Variants in C4orf51 observed in about 807,000 individuals in gnomAD.
The protein encoded by C4orf51 is uncharacterized protein C4orf51.
C4orf51 carries 25 observed loss-of-function variants against 25.2 expected under a neutral mutation model. The observed-to-expected ratio is 0.99, with a 90% CI of 0.72 to 1.39. The LOEUF is 1.39. Among genes scored for constraint, C4orf51 ranks in the 40% most tolerant of loss-of-function variants. The probability of loss-of-function intolerance (pLI) is 0.00; values close to 1 mark genes in which losing one functional copy is unlikely to be tolerated. For missense variants in C4orf51, 252 were observed against 239.6 expected (o/e 1.05, Z -0.34); for synonymous variants, 100 against 84.5 (o/e 1.18, Z -1.01).
chr4:145,788,645 ATTACAACAT>A, the C4orf51 span, among the ~76,000 whole-genome samples: 14 of 152,200 alleles, frequency 9.2e-5, no homozygotes, highest in Non-Finnish European at 1.9e-4. Flanking sequence ...CTAATTTTAT[ATTACAACAT>A]GGAAGCAAAC....
At chr4:145,785,275 T>G in the C4orf51 span, among the ~76,000 whole-genome samples, 1 of 152,188 alleles carries the variant, frequency 6.6e-6, no homozygotes, top group Non-Finnish European at 1.5e-5. Context: ...GAGCAAACTA[T>G]GCTTCTTATA....
Position 145,726,967 on chromosome 4 carries a change from G to A in C4orf51, c.364G>A (p.Val122Met), listed in dbSNP as rs1470438345. 1 of 1,612,232 alleles carries A rather than the reference G, an allele frequency of 6.2e-7. No individual in the cohort carries two copies. ...FKKSFDVKHG[V>M]AHQIWDFGDC... ...AAAGTCATTTGATGTCAAGCATGGA[G>A]TGGTAAGCCCAACATTTCTCAGCAA... The change falls in exon 3 of 6, where the codon GTG becomes ATG. Residue 122 changes from valine to methionine, a missense_variant and splice_region_variant. By Grantham distance (21) the Val-to-Met change is conservative (BLOSUM62 1). Coordinates refer to ENST00000438731, the MANE Select transcript of C4orf51 (RefSeq NM_001080531.3).
At chr4:145,790,358 G>C in the C4orf51 span, among the ~76,000 whole-genome samples, 1 of 152,138 alleles carries the variant, frequency 6.6e-6, no homozygotes, top group South Asian at 2.1e-4. Flanking sequence ...GAAAAGAACA[G>C]ATCACTATAA....
chr4:145,701,996 C>T (rs1730479506), intron 2 of C4orf51, among the ~76,000 whole-genome samples: 3 of 152,046 alleles, frequency 2.0e-5, no homozygotes, highest in Non-Finnish European at 4.4e-5. Context: ...TATAGGACAT[C>T]TCTACTCCTT....
At chr4:145,767,890 T>A (rs1298930488) in intron 1 of C4orf51, among the ~76,000 whole-genome samples, 1 of 134,612 alleles carries the variant, frequency 7.4e-6, no homozygotes, top group Non-Finnish European at 1.7e-5. Flanking sequence ...AAACCAGATA[T>A]AAAACTGATC....
At position 145,761,056 on chromosome 4, in the gene C4orf51, G is replaced by C. The variant is rs569114011; in HGVS notation, n.167-9932G>C. 1.6e-6 allele frequency: 2 copies of C among 1,289,192 alleles called. No individual in the cohort carries two copies. The highest frequency in any genetic ancestry group is 1.1e-4 in the East Asian group (2 of 18,002). 79.9% of individuals were successfully genotyped at this position (1,289,192 alleles called of 1,614,324 possible). On this transcript the variant is annotated intron_variant and non_coding_transcript_variant, in intron 1 of 1. Transcript: ENST00000510096. This position sits in a 1 kb window ranked among gnomAD's most constrained non-coding sequence, Gnocchi z 6.8. Reference sequence around the variant, plus strand: ...TGCCGACAGGGCCACGGTCTGCAGAGCCTGGGAGGCAGACATAACTGACAG... The same window carrying C: ...TGCCGACAGGGCCACGGTCTGCAGACCCTGGGAGGCAGACATAACTGACAG...
chr4:145,682,342 A>G (rs1728890702), intron 1 of C4orf51, among the ~76,000 whole-genome samples: 1 of 152,186 alleles, frequency 6.6e-6, no homozygotes, highest in African/African-American at 2.4e-5. Context: ...TATATTCTAA[A>G]TTTGCTTTGT....
intron 5 of C4orf51, among the ~76,000 whole-genome samples, chr4:145,731,564 CTTTTTTTTTTTTT>C (rs398051305): frequency 1.8e-4 from 8 of 43,876 alleles, no homozygotes; most frequent in Admixed American, 3.9e-4. Context: ...CAAGGCAAAT[CTTTTTTTTTTTTT>C]TTTTTTTTTT....
At chr4:145,733,506 G>C (rs995603296), downstream of C4orf51, among the ~76,000 whole-genome samples, 1 of 152,222 alleles carries the variant, frequency 6.6e-6, no homozygotes, top group Non-Finnish European at 1.5e-5. Flanking sequence ...TACTAAAGTA[G>C]CCGCCTCCTA....
chr4:145,763,542 TTC>T lies in C4orf51; in HGVS notation n.167-7443_167-7442del, dbSNP rs1734835682. ...CAAAAGCATCAGAATTCACTGTGCA[TTC>T]TCCCCAATGGCTTCAGAGGCTGGGG... On this transcript the variant is annotated intron_variant and non_coding_transcript_variant, in intron 1 of 1. Coordinates refer to the C4orf51 transcript ENST00000510096. The surrounding 1 kb of genome is among the most constrained non-coding windows in gnomAD (Gnocchi z 4.6). Among the ~76,000 whole-genome samples the T allele has an allele frequency of 1.3e-5, 2 of 152,302 alleles. No homozygotes were observed. Among genetic ancestry groups the T allele is most frequent in the African/African-American group, 4.8e-5 (2 of 41,564 alleles).
At chr4:145,790,051 C>G in the C4orf51 span, among the ~76,000 whole-genome samples, 3 of 152,162 alleles carry the variant, frequency 2.0e-5, no homozygotes, top group African/African-American at 4.8e-5. Flanking sequence ...TTCACTTGCT[C>G]CAGAATGAGA....
At chr4:145,686,940 C>A (rs912092059) in intron 1 of C4orf51, among the ~76,000 whole-genome samples, 4 of 151,828 alleles carry the variant, frequency 2.6e-5, no homozygotes, top group East Asian at 1.9e-4. Flanking sequence ...AGCCTGACAC[C>A]AAACTTGATG....
chr4:145,719,277 TACATG>T (rs76480387), intron 2 of C4orf51, among the ~76,000 whole-genome samples: 31,389 of 151,922 alleles, frequency 0.21, 3,395 homozygotes, highest in Middle Eastern at 0.29. Context: ...AGGAAACTTA[TACATG>T]ACTTTTAAAA....
intron 2 of C4orf51, among the ~76,000 whole-genome samples, chr4:145,711,872 G>C (rs779857534): frequency 2.0e-5 from 3 of 151,840 alleles, no homozygotes; most frequent in Admixed American, 6.6e-5. Context: ...AAAGTGTGTG[G>C]CAACCTTGCA....
At chr4:145,772,796 TAACA>T (rs1736478125), downstream of C4orf51, among the ~76,000 whole-genome samples, 1 of 152,246 alleles carries the variant, frequency 6.6e-6, no homozygotes, top group Non-Finnish European at 1.5e-5. Flanking sequence ...GTGACTGTAC[TAACA>T]AACAAGAATA....
At chr4:145,772,781 C>T (rs543735310), downstream of C4orf51, among the ~76,000 whole-genome samples, 3 of 152,340 alleles carry the variant, frequency 2.0e-5, no homozygotes, top group African/African-American at 7.2e-5. Context: ...GCATTTCACT[C>T]TTGGGTGACT....
intron 1 of C4orf51, among the ~76,000 whole-genome samples, chr4:145,770,707 A>G (rs955315308): frequency 6.6e-6 from 1 of 152,188 alleles, no homozygotes; most frequent in African/African-American, 2.4e-5. Context: ...GTTTTAAATG[A>G]TTGTATTATA....
chr4:145,680,408 GC>G lies in C4orf51; in HGVS notation c.206del (p.Ala69GlufsTer13). On this transcript the variant is annotated frameshift_variant, in exon 1 of 6. Coordinates refer to ENST00000438731, the MANE Select transcript of C4orf51 (RefSeq NM_001080531.3). LOFTEE classifies it high-confidence loss of function. ...CATGTGCAGCCAATTTTCTTTTAGAGCAGGACAGCATGAGCCTGAGTGTAAA... is the reference window on the plus strand; with the variant it reads ...CATGTGCAGCCAATTTTCTTTTAGAGAGGACAGCATGAGCCTGAGTGTAAA... Reference protein sequence around the residue: ...KSMCSQFSFRAGQHEPECKQM... With the variant: ...KSMCSQFSFRXGQHEPECKQM... 1 of 1,613,834 alleles carries G rather than the reference GC, an allele frequency of 6.2e-7. No individual in the cohort carries two copies. The highest frequency in any genetic ancestry group is 8.5e-7 in the Non-Finnish European group (1 of 1,179,786).
intron 1 of C4orf51, among the ~76,000 whole-genome samples, chr4:145,749,886 G>A (rs769759484): frequency 2.1e-4 from 32 of 152,018 alleles, no homozygotes; most frequent in Middle Eastern, 3.4e-3. Flanking sequence ...TGCCCGCCTC[G>A]GCCTCCCAAA....
Sources: gnomAD v4.1 joint callset for allele counts (sites outside exome capture counted in the v4.1 genomes callset) on GRCh38, gnomAD v4.1.1 for gene constraint, Gnocchi (gnomAD v3.1) non-coding constraint, MANE v1.5 for transcripts, NCBI Gene and HGNC (gene_info 2026-07-23, HGNC 2026-07-21) for gene names.